CD274: variants seen among roughly 807,000 people sequenced by gnomAD.
CD274 encodes CD274 molecule.
A neutral mutation model predicts 30.1 loss-of-function variants in CD274; 8 were observed. The ratio of observed to expected loss-of-function variants is 0.27; its 90% confidence interval spans 0.16 to 0.48. The LOEUF (loss-of-function observed/expected upper bound fraction) is 0.48. Ranked by LOEUF, CD274 falls within the 20% of genes least tolerant of loss-of-function variation. The probability of loss-of-function intolerance (pLI) is 0.99; values close to 1 mark genes in which losing one functional copy is unlikely to be tolerated. For missense variants in CD274, 353 were observed against 346.6 expected (o/e 1.02, Z -0.15); for synonymous variants, 152 against 124.6 (o/e 1.22, Z -1.46).
intron 3 of CD274, among the ~76,000 whole-genome samples, chr9:5,461,023 A>G (rs780085412): frequency 3.3e-5 from 5 of 152,190 alleles, no homozygotes; most frequent in African/African-American, 4.8e-5. Context: ...TTAATAAACA[A>G]TATTTTCAGT....
At chr9:5,459,057 AG>A (rs1819357631) in intron 3 of CD274, among the ~76,000 whole-genome samples, 5 of 151,698 alleles carry the variant, frequency 3.3e-5, no homozygotes, top group Admixed American at 6.6e-5. Context: ...CTGTCCTTGT[AG>A]TAGGGAAGGG....
intron 1 of CD274, among the ~76,000 whole-genome samples, chr9:5,452,652 C>T (rs987153376): frequency 6.6e-6 from 1 of 152,176 alleles, no homozygotes; most frequent in Non-Finnish European, 1.5e-5. Flanking sequence ...TCACTAATGA[C>T]AGCTGCACCC....
intron 3 of CD274, among the ~76,000 whole-genome samples, chr9:5,462,015 T>G (rs1446416448): frequency 1.3e-5 from 2 of 152,184 alleles, no homozygotes; most frequent in Non-Finnish European, 2.9e-5. Context: ...GTTATGACGA[T>G]TGTACCATGG....
At chr9:5,454,077 G>C (rs191447445) in intron 1 of CD274, among the ~76,000 whole-genome samples, 1 of 152,028 alleles carries the variant, frequency 6.6e-6, no homozygotes, top group Non-Finnish European at 1.5e-5. Context: ...ATTATTCTAC[G>C]TCAGTTTGGA....
At chr9:5,466,555 A>T (rs898136471) in intron 5 of CD274, among the ~76,000 whole-genome samples, 1 of 152,138 alleles carries the variant, frequency 6.6e-6, no homozygotes. Context: ...TGAAAAATAA[A>T]AGTGTATACT....
chr9:5,465,531 A>G lies in CD274; in HGVS notation c.715A>G (p.Thr239Ala), dbSNP rs2131229823. 1 of 1,609,622 alleles carries G rather than the reference A, an allele frequency of 6.2e-7. No individual in the cohort carries two copies. The change falls in exon 5 of 7, where the codon ACT becomes GCT. Residue 239 changes from threonine to alanine, a missense_variant. Transcript: ENST00000381577. ...TCTGGCACATCCTCCAAATGAAAGGACTCACTTGGTAATTCTGGGAGCCAT... is the reference window on the plus strand; with the variant it reads ...TCTGGCACATCCTCCAAATGAAAGGGCTCACTTGGTAATTCTGGGAGCCAT... ...LPLAHPPNER[T>A]HLVILGAILL...
intron 3 of CD274, among the ~76,000 whole-genome samples, chr9:5,462,071 A>G (rs1819413811): frequency 6.6e-6 from 1 of 152,224 alleles, no homozygotes; most frequent in Admixed American, 6.5e-5. Flanking sequence ...AGGAGTATAC[A>G]GTAACTCTAT....
At chr9:5,458,133 T>G (rs959752162) in intron 3 of CD274, among the ~76,000 whole-genome samples, 2 of 152,244 alleles carry the variant, frequency 1.3e-5, no homozygotes, top group Non-Finnish European at 2.9e-5. Flanking sequence ...TTCCTCGGTA[T>G]TGACCCACAG....
chr9:5,470,523 G>T lies in CD274; in HGVS notation c.*2661G>T, dbSNP rs1819572643. The stretch of plus-strand genomic sequence containing the variant: ...GCATGTCCATTTTCTTGTTTATTTT[G>T]TGTTTAATAAAATGTTCAGTTTAAC... On this transcript the variant is annotated 3_prime_UTR_variant, in exon 7 of 7. Coordinates refer to ENST00000381577, the MANE Select transcript of CD274 (RefSeq NM_014143.4). The T allele has an allele frequency of 4.8e-6, 1 of 206,886 alleles. No individual in the cohort carries two copies. The highest frequency in any genetic ancestry group is 6.0e-5 in the Admixed American group (1 of 16,776). The allele number at this position is 206,886 out of a possible 1,614,324, so 12.8% of individuals were successfully genotyped here. A position where few individuals can be genotyped will look rare whatever the true frequency, so the allele number is the denominator to read the frequency against.
rs1819549836 is a variant in CD274, at chr9:5,469,412, C to A, written c.*1550C>A. ...GCCATTCAAGTTTCCTTTCCAGAAG[C>A]AACTGCTACTGCCTTTCATTCATAT... On this transcript the variant is annotated 3_prime_UTR_variant, in exon 7 of 7. Coordinates refer to ENST00000381577, the MANE Select transcript of CD274 (RefSeq NM_014143.4). The A allele has an allele frequency of 4.3e-6, 1 of 232,320 alleles. No homozygotes were observed. Among genetic ancestry groups the A allele is most frequent in the Non-Finnish European group, 8.5e-6 (1 of 117,490 alleles). The allele number at this position is 232,320 out of a possible 1,614,324, so 14.4% of individuals were successfully genotyped here. A position where few individuals can be genotyped will look rare whatever the true frequency, so the allele number is the denominator to read the frequency against.
At chr9:5,459,738 C>T (rs1380477759) in intron 3 of CD274, among the ~76,000 whole-genome samples, 2 of 152,132 alleles carry the variant, frequency 1.3e-5, no homozygotes, top group Non-Finnish European at 2.9e-5. Context: ...TTTCTTTAAT[C>T]GCTGAACCTA....
intron 1 of CD274, among the ~76,000 whole-genome samples, chr9:5,451,870 G>A (rs1478865172): frequency 1.3e-5 from 2 of 151,972 alleles, no homozygotes; most frequent in Non-Finnish European, 2.9e-5. Context: ...TGTAGAGATG[G>A]GGCTCTTGTT....
intron 5 of CD274, 84 bp downstream of exon 5, chr9:5,465,690 T>TA: frequency 1.2e-6 from 1 of 815,858 alleles, no homozygotes; most frequent in East Asian, 2.5e-5. Context: ...AAACCCGACT[T>TA]AACCTCTGCA....
intron 5 of CD274, among the ~76,000 whole-genome samples, chr9:5,466,480 T>G (rs1819499806): frequency 6.6e-6 from 1 of 152,102 alleles, no homozygotes; most frequent in Admixed American, 6.6e-5. Flanking sequence ...TAGTTGGCAG[T>G]AGAAATGGAT....
intron 1 of CD274, 149 bp from the exon 2 acceptor site, chr9:5,455,951 C>A (rs1170500894): frequency 1.2e-5 from 7 of 577,058 alleles, no homozygotes; most frequent in East Asian, 9.8e-5. Flanking sequence ...ATTGAACTTC[C>A]AATTCCCTGT....
rs1819546070 is a variant in CD274 at position 5,469,147 on chromosome 9, A to G, written c.*1285A>G. On this transcript the variant is annotated 3_prime_UTR_variant, in exon 7 of 7. Transcript: ENST00000381577. ...CAGAGTAATTTTCATTTACAAAGAG[A>G]GGTCGGTACTTAAAATAACCCTGAA... 1 of 232,962 alleles carries G rather than the reference A, an allele frequency of 4.3e-6. No individual in the cohort carries two copies. The highest frequency in any genetic ancestry group is 2.2e-5 in the African/African-American group (1 of 45,324). 14.4% of individuals were successfully genotyped at this position (232,962 alleles called of 1,614,324 possible).
At chr9:5,462,504 G>A (rs1819421933) in intron 3 of CD274, among the ~76,000 whole-genome samples, 1 of 152,158 alleles carries the variant, frequency 6.6e-6, no homozygotes, top group Non-Finnish European at 1.5e-5. Context: ...AGGGGTACAA[G>A]AGCAGTGTTG....
In CD274 at chr9:5,468,484, T is replaced by A. The variant is rs1306312546; in HGVS notation, c.*622T>A. 3 of 233,130 alleles carry A rather than the reference T, an allele frequency of 1.3e-5. No homozygotes were observed. The highest frequency in any genetic ancestry group is 2.5e-5 in the Non-Finnish European group (3 of 118,024). The allele number at this position is 233,130 out of a possible 1,614,324, so 14.4% of individuals were successfully genotyped here. ...AAACATGGAGTATTTGTAAGGTGCT[T>A]GGTCTCCTCTATAACTACAAGTATA... is the stretch of plus-strand genomic sequence containing the variant. On this transcript the variant is annotated 3_prime_UTR_variant, in exon 7 of 7. Coordinates refer to ENST00000381577, the MANE Select transcript of CD274 (RefSeq NM_014143.4).
intron 1 of CD274, 58 bp from the exon 2 acceptor site, chr9:5,456,042 A>G (rs1409665604): frequency 5.2e-6 from 5 of 954,894 alleles, no homozygotes; most frequent in African/African-American, 4.8e-5. Context: ...CCATATTGTC[A>G]TATTGTATGT....
Sources: gnomAD v4.1 joint callset for allele counts (sites outside exome capture counted in the v4.1 genomes callset) on GRCh38, gnomAD v4.1.1 for gene constraint, MANE v1.5 for transcripts, NCBI Gene and HGNC (gene_info 2026-07-23, HGNC 2026-07-21) for gene names.